SH3BGRL3: variants seen among roughly 807,000 people sequenced by gnomAD.
The protein encoded by SH3BGRL3 is SH3 domain binding glutamate rich protein like 3, also known as SH3 domain-binding glutamic acid-rich-like protein 3.
A neutral mutation model predicts 11.9 loss-of-function variants in SH3BGRL3; 8 were observed. That is an observed-to-expected ratio of 0.67 (90% CI 0.40 to 1.22). SH3BGRL3 has a LOEUF of 1.22. Among genes scored for constraint, SH3BGRL3 ranks in the 50% most tolerant of loss-of-function variants. The probability of loss-of-function intolerance (pLI) is 0.01; values close to 1 mark genes in which losing one functional copy is unlikely to be tolerated. For missense variants in SH3BGRL3, 119 were observed against 120.1 expected (o/e 0.99, Z 0.04); for synonymous variants, 55 against 52.3 (o/e 1.05, Z -0.22).
chr1:26,280,336 G>C (rs2072956556), intron 1 of SH3BGRL3, 133 bp downstream of exon 1: 1 of 1,118,608 alleles, frequency 8.9e-7, no homozygotes, highest in African/African-American at 1.6e-5. Context: ...TGCTGGGCAC[G>C]GTCTCCCGGA....
rs578130802 is a variant in SH3BGRL3 at position 26,280,096 on chromosome 1, G to C, written c.-60G>C. The C allele has an allele frequency of 1.9e-6, 3 of 1,540,412 alleles. No individual in the cohort carries two copies. Among genetic ancestry groups the C allele is most frequent in the East Asian group, 4.9e-5 (2 of 40,490 alleles). On this transcript the variant is annotated 5_prime_UTR_variant, in exon 1 of 3. Coordinates refer to ENST00000270792, the MANE Select transcript of SH3BGRL3 (RefSeq NM_031286.4). Reference sequence around the variant, plus strand: ...GAGCACGGCGGCGGCGTCGTCTCCCGGCAGTGCAGCTGCCGCTACCGCCGC... The same window carrying C: ...GAGCACGGCGGCGGCGTCGTCTCCCCGCAGTGCAGCTGCCGCTACCGCCGC...
intron 1 of SH3BGRL3, 152 bp from the exon 2 acceptor site, chr1:26,280,613 C>G: frequency 1.2e-6 from 1 of 860,394 alleles, no homozygotes; most frequent in East Asian, 2.6e-5. Context: ...CCTGACTCAT[C>G]CTCCCAACTC....
rs950277669 is a variant in SH3BGRL3, at chr1:26,280,162, G to C, written c.7G>C (p.Gly3Arg). MS[G>R]LRVYSTSVTG... is the part of the protein sequence containing the mutation. Reference sequence around the variant, plus strand: ...CCGTCTGTCTACCCCCAGCATGAGCGGCCTGCGCGTCTACAGCACGTCGGT... The same window carrying C: ...CCGTCTGTCTACCCCCAGCATGAGCCGCCTGCGCGTCTACAGCACGTCGGT... The change falls in exon 1 of 3, where the codon GGC becomes CGC. Residue 3 changes from glycine (G) to arginine (R), a missense_variant. Coordinates refer to ENST00000270792, the MANE Select transcript of SH3BGRL3 (RefSeq NM_031286.4). The C allele has an allele frequency of 1.3e-6, 2 of 1,565,182 alleles. No homozygotes were observed. The highest frequency in any genetic ancestry group is 1.7e-6 in the Non-Finnish European group (2 of 1,157,516).
chr1:26,280,779 G>C lies in SH3BGRL3; in HGVS notation c.63G>C (p.Gln21His). Reference sequence around the variant, plus strand: ...TCTGTCCCCAGATCAAGTCCCAGCAGAGCGAGGTGACCCGAATCCTGGATG... The same window carrying C: ...TCTGTCCCCAGATCAAGTCCCAGCACAGCGAGGTGACCCGAATCCTGGATG... Reference protein sequence around the residue: ...VTGSREIKSQQSEVTRILDGK... With the variant: ...VTGSREIKSQHSEVTRILDGK... The change falls in exon 2 of 3, where the codon CAG becomes CAC. Residue 21 changes from glutamine to histidine, a missense_variant. Physicochemically the swap from Gln to His is conservative, Grantham distance 24. Transcript: ENST00000270792. 6.2e-7 allele frequency: 1 copy of C among 1,614,012 alleles called. No homozygotes were observed. The highest frequency in any genetic ancestry group is 1.1e-5 in the South Asian group (1 of 91,076).
Position 26,280,876 on chromosome 1 carries a change from G to A in SH3BGRL3, c.160G>A (p.Ala54Thr). The part of the protein sequence containing the change: ...NALRDEMRAL[A>T]GNPKATPPQI... ...CCTGAGGGATGAGATGCGAGCCTTG[G>A]CAGGCAACCCCAAGGCCACCCCACC... The change falls in exon 2 of 3, where the codon GCA becomes ACA. Residue 54 changes from alanine (A) to threonine (T), a missense_variant. By Grantham distance (58) the Ala-to-Thr change is moderately conservative. Transcript: ENST00000270792. 1 of 1,611,494 alleles carries A rather than the reference G, an allele frequency of 6.2e-7. No individual in the cohort carries two copies. Among genetic ancestry groups the A allele is most frequent in the Non-Finnish European group, 8.5e-7 (1 of 1,178,940 alleles).
intron 1 of SH3BGRL3, among the ~76,000 whole-genome samples, 178 bp from the exon 2 acceptor site, chr1:26,280,587 C>T (rs1016169188): frequency 3.4e-5 from 5 of 147,976 alleles, no homozygotes; most frequent in Admixed American, 2.0e-4. Context: ...CTCTCTTCAT[C>T]CTGCACCACC....
rs1275341283 is a variant in SH3BGRL3 at position 26,280,662 on chromosome 1, G to T, written c.49-103G>T. The T allele has an allele frequency of 7.1e-6, 10 of 1,402,846 alleles. No individual in the cohort carries two copies. The East Asian group carries it at 2.1e-4, about 29-fold the overall frequency. 86.9% of individuals were successfully genotyped at this position (1,402,846 alleles called of 1,614,324 possible). ...CCCTCCCCTAGTGTGGAGGGGAATG[G>T]GGGGACAAAAGCTCCTGGTCACAGC... On this transcript the variant is annotated intron_variant, in intron 1 of 2. Coordinates refer to ENST00000270792, the MANE Select transcript of SH3BGRL3 (RefSeq NM_031286.4).
In SH3BGRL3 at chr1:26,281,036, C is replaced by T; in HGVS notation, c.217-22C>T. On this transcript the variant is annotated intron_variant, in intron 2 of 2. Transcript: ENST00000270792. Reference sequence around the variant, plus strand: ...TGGGCCCCCTGCATTCAGGTGACCACCCCTCGCCTCCCCTTCTCCAGGACT... The same window carrying T: ...TGGGCCCCCTGCATTCAGGTGACCATCCCTCGCCTCCCCTTCTCCAGGACT... 6 of 1,613,180 alleles carry T rather than the reference C, an allele frequency of 3.7e-6. No individual in the cohort carries two copies. In the South Asian group the frequency reaches 4.4e-5, roughly 12 times the overall value.
intron 2 of SH3BGRL3, 35 bp from the exon 3 acceptor site, chr1:26,281,023 A>G (rs1203262100): frequency 1.2e-6 from 2 of 1,612,370 alleles, no homozygotes; most frequent in East Asian, 2.2e-5. Context: ...GGCCCCCTGC[A>G]TTCAGGTGAC....
At chr1:26,280,956 T>TGGGGGCAGGGGGGGGG in intron 2 of SH3BGRL3, 24 bp downstream of exon 2, 1 of 764,946 alleles carries the variant, frequency 1.3e-6, no homozygotes, top group Non-Finnish European at 2.1e-6. Context: ...GACGGGGGGG[T>TGGGGGCAGGGGGGGGG]GGGGGGAGTG....
At position 26,281,288 on chromosome 1, in the gene SH3BGRL3, T is replaced by C. The variant is rs2072979714; in HGVS notation, c.*165T>C. 1 of 608,178 alleles carries C rather than the reference T, an allele frequency of 1.6e-6. No homozygotes were observed. Among genetic ancestry groups the C allele is most frequent in the African/African-American group, 1.8e-5 (1 of 54,186 alleles). 37.7% of individuals were successfully genotyped at this position (608,178 alleles called of 1,614,324 possible). On this transcript the variant is annotated 3_prime_UTR_variant, in exon 3 of 3. Transcript: ENST00000270792. ...TCTCCTCCCTCCTCTCTAAATGTAGTCCCCTCTCCTCCATCTAAAGGCAAC... is the reference window on the plus strand; with the variant it reads ...TCTCCTCCCTCCTCTCTAAATGTAGCCCCCTCTCCTCCATCTAAAGGCAAC...
chr1:26,280,715 C>T, intron 1 of SH3BGRL3, 50 bp from the exon 2 acceptor site: 1 of 1,600,118 alleles, frequency 6.2e-7, no homozygotes, highest in Non-Finnish European at 8.5e-7. Context: ...GCATTTCCCC[C>T]ATAAATCCTC....
At chr1:26,280,740 A>G (rs1172685699) in intron 1 of SH3BGRL3, 25 bp from the exon 2 acceptor site, 2 of 1,611,242 alleles carry the variant, frequency 1.2e-6, no homozygotes, top group African/African-American at 2.7e-5. Context: ...CTATCCACTA[A>G]CCCCTACCCA....
chr1:26,280,122 C>T lies in SH3BGRL3; in HGVS notation c.-34C>T, dbSNP rs1557675383. 6.4e-6 allele frequency: 10 copies of T among 1,552,408 alleles called. No individual in the cohort carries two copies. The Admixed American group carries it at 7.8e-5, about 12-fold the overall frequency. On this transcript the variant is annotated 5_prime_UTR_variant, in exon 1 of 3. Transcript: ENST00000270792. The stretch of plus-strand genomic sequence containing the variant: ...GCAGTGCAGCTGCCGCTACCGCCGC[C>T]CTCTGCCCGCCGGCCCGTCTGTCTA...
chr1:26,281,037 C>A (rs2072975997), intron 2 of SH3BGRL3, 21 bp from the exon 3 acceptor site: 4 of 1,613,310 alleles, frequency 2.5e-6, no homozygotes, highest in Middle Eastern at 1.7e-4. Flanking sequence ...AGGTGACCAC[C>A]CCTCGCCTCC....
Position 26,281,064 on chromosome 1 carries a change from G to A in SH3BGRL3, c.223G>A (p.Glu75Lys). Residue 75 changes from glutamate (E) to lysine (K), a missense_variant, in exon 3 of 3, where the codon GAG becomes AAG. Glu to Lys is a moderately conservative substitution (Grantham distance 56). Transcript: ENST00000270792. ...CTCGCCTCCCCTTCTCCAGGACTAT[G>A]AGCTCTTCGTGGAGGCTGTGGAACA... ...VNGDQYCGDY[E>K]LFVEAVEQNT... 5 of 1,613,994 alleles carry A rather than the reference G, an allele frequency of 3.1e-6. No homozygotes were observed. The highest frequency in any genetic ancestry group is 4.2e-6 in the Non-Finnish European group (5 of 1,179,970).
chr1:26,281,166 A>G lies in SH3BGRL3; in HGVS notation c.*43A>G, dbSNP rs2072977773. The G allele has an allele frequency of 1.9e-6, 3 of 1,586,330 alleles. No homozygotes were observed. The highest frequency in any genetic ancestry group is 1.7e-5 in the Admixed American group (1 of 58,210). On this transcript the variant is annotated 3_prime_UTR_variant, in exon 3 of 3. Coordinates refer to ENST00000270792, the MANE Select transcript of SH3BGRL3 (RefSeq NM_031286.4). Reference sequence around the variant, plus strand: ...TTCCCCTGCTGGACTCCATCACCACACTCCCCCCAGCCTTCACCTGGCCAT... The same window carrying G: ...TTCCCCTGCTGGACTCCATCACCACGCTCCCCCCAGCCTTCACCTGGCCAT...
chr1:26,280,133 C>T lies in SH3BGRL3; in HGVS notation c.-23C>T, dbSNP rs1386785365. The T allele has an allele frequency of 6.4e-7, 1 of 1,558,856 alleles. No homozygotes were observed. The highest frequency in any genetic ancestry group is 8.7e-7 in the Non-Finnish European group (1 of 1,152,868). ...GCCGCTACCGCCGCCCTCTGCCCGC[C>T]GGCCCGTCTGTCTACCCCCAGCATG... On this transcript the variant is annotated 5_prime_UTR_variant, in exon 1 of 3. Transcript: ENST00000270792.
intron 1 of SH3BGRL3, 76 bp downstream of exon 1, chr1:26,280,279 AC>A: frequency 7.1e-7 from 1 of 1,415,188 alleles, no homozygotes. Flanking sequence ...AGCGCCCGGG[AC>A]CCACCCCCAG....
Sources: gnomAD v4.1 joint callset for allele counts (sites outside exome capture counted in the v4.1 genomes callset) on GRCh38, gnomAD v4.1.1 for gene constraint, MANE v1.5 for transcripts, NCBI Gene and HGNC (gene_info 2026-07-23, HGNC 2026-07-21) for gene names.